The following USP44 variants were observed in gnomAD, a reference collection of about 807,000 sequenced individuals.
USP44 encodes the protein ubiquitin specific peptidase 44.
Under a neutral mutation model 69.0 loss-of-function variants are expected in USP44, and 61 were observed. The ratio of observed to expected loss-of-function variants is 0.88; its 90% CI spans 0.72 to 1.09. The LOEUF is 1.09. USP44 is among the 50% of genes least tolerant of loss of function. The probability of loss-of-function intolerance (pLI) is 0.00; values close to 1 mark genes in which losing one functional copy is unlikely to be tolerated. For missense variants in USP44, 753 were observed against 849.9 expected (o/e 0.89, Z 1.42); for synonymous variants, 297 against 295.4 (o/e 1.01, Z -0.06).
In USP44 at chr12:95,549,751, G is replaced by C. The variant is rs573892737; in HGVS notation, c.-71+1521C>G. Among the ~76,000 whole-genome samples, 101 of 152,244 alleles carry C rather than the reference G, an allele frequency of 6.6e-4. 2 individuals are homozygous for C. The Middle Eastern group carries it at 0.017, about 26-fold the overall frequency. On this transcript the variant is annotated intron_variant, in intron 1 of 5. Coordinates refer to ENST00000258499, the MANE Select transcript of USP44 (RefSeq NM_032147.5). ...TCTTTTCATCATCAGTTTTATTCTG[G>C]GGAGTATGTTTCAGTGGTATGACCT...
At chr12:95,547,060 A>G (rs2077595686) in intron 1 of USP44, 1 of 152,202 alleles carries the variant, frequency 6.6e-6, no homozygotes, top group Non-Finnish European at 1.5e-5. Context: ...TCTTCAACAG[A>G]TTTTCCATTT....
chr12:95,549,149 T>C (rs1457711264), intron 1 of USP44, among the ~76,000 whole-genome samples: 1 of 152,246 alleles, frequency 6.6e-6, no homozygotes, highest in Non-Finnish European at 1.5e-5. Flanking sequence ...CTTCCTGGAA[T>C]TTCTGCGATT....
At chr12:95,539,096 G>A (rs905448710) in intron 1 of USP44, among the ~76,000 whole-genome samples, 3 of 152,050 alleles carry the variant, frequency 2.0e-5, no homozygotes, top group Admixed American at 2.0e-4. Context: ...AATCTATAAG[G>A]ATTAAAACTA....
intron 1 of USP44, among the ~76,000 whole-genome samples, chr12:95,550,053 C>T (rs1023553173): frequency 3.9e-5 from 6 of 152,140 alleles, no homozygotes; most frequent in Admixed American, 2.6e-4. Context: ...GTGGCGGGCA[C>T]CTGTAATCCC....
intron 4 of USP44, among the ~76,000 whole-genome samples, chr12:95,523,955 C>T (rs1353584756): frequency 1.3e-5 from 2 of 152,076 alleles, no homozygotes; most frequent in Non-Finnish European, 2.9e-5. Context: ...TGGCTCACTG[C>T]AACCTCTGCC....
chr12:95,543,778 A>C (rs983255306), intron 1 of USP44, among the ~76,000 whole-genome samples: 10 of 151,670 alleles, frequency 6.6e-5, no homozygotes, highest in Admixed American at 1.3e-4. Flanking sequence ...CATCCTGGCT[A>C]ACACAGTGAA....
In USP44 at chr12:95,521,171, C is replaced by T; in HGVS notation, c.1765G>A (p.Gly589Ser). The change falls in exon 5 of 6, where the codon GGT becomes AGT. Residue 589 changes from glycine (G) to serine (S), a missense_variant. Transcript: ENST00000258499. ...ATTTCCTCAAAGCCAACATGAACAC[C>T]AATCTTCTCTCGGTTATTACGTCCT... ...WSGRNNREKI[G>S]VHVGFEEILN... The T allele has an allele frequency of 1.2e-6, 2 of 1,614,070 alleles. No homozygotes were observed. The highest frequency in any genetic ancestry group is 4.5e-5 in the East Asian group (2 of 44,864).
rs949130907 is a variant in USP44 at position 95,517,970 on chromosome 12, A to G, written c.*184T>C. ...CCAAAAGTTTAAAACTCCAAATATG[A>G]AAAAAGTAGTTACCTTCAGTTGATA... On this transcript the variant is annotated 3_prime_UTR_variant, in exon 6 of 6. Transcript: ENST00000258499. 1 of 536,830 alleles carries G rather than the reference A, an allele frequency of 1.9e-6. No homozygotes were observed. The highest frequency in any genetic ancestry group is 3.9e-5 in the South Asian group (1 of 25,884). The allele number at this position is 536,830 out of a possible 1,614,324, so 33.3% of individuals were successfully genotyped here. A position where few individuals can be genotyped will look rare whatever the true frequency, so the allele number is the denominator to read the frequency against.
chr12:95,524,645 G>C (rs1345049145), intron 4 of USP44, 35 bp downstream of exon 4: 2 of 1,491,758 alleles, frequency 1.3e-6, no homozygotes, highest in Admixed American at 4.3e-5. Flanking sequence ...ATAAGCACAA[G>C]GAATGATAAC....
intron 2 of USP44, among the ~76,000 whole-genome samples, chr12:95,532,578 A>T (rs2077055726): frequency 6.6e-6 from 1 of 152,134 alleles, no homozygotes; most frequent in African/African-American, 2.4e-5. Context: ...TTGGTAACCT[A>T]GAGAGCTCCG....
chr12:95,537,417 C>T (rs1303027248), intron 1 of USP44, among the ~76,000 whole-genome samples: 1 of 152,098 alleles, frequency 6.6e-6, no homozygotes, highest in Non-Finnish European at 1.5e-5. Context: ...CTCCTGGGTT[C>T]AAGCGATTCT....
rs112779725 is a variant in USP44 at position 95,518,788 on chromosome 12, A to T, written c.1940-435T>A. Among the ~76,000 whole-genome samples, 243 of 152,138 alleles carry T rather than the reference A, an allele frequency of 1.6e-3. 2 individuals carry two copies. Among genetic ancestry groups the T allele is most frequent in the African/African-American group, 5.5e-3 (230 of 41,496 alleles). ...AACCTGTCTCTACTAAAAATACAAAAATTCGCCAGGCGTGGTGGTGCACAC... is the reference window on the plus strand; with the variant it reads ...AACCTGTCTCTACTAAAAATACAAATATTCGCCAGGCGTGGTGGTGCACAC... On this transcript the variant is annotated intron_variant, in intron 5 of 5. Transcript: ENST00000258499.
chr12:95,520,928 A>T, intron 5 of USP44, 69 bp downstream of exon 5: 2 of 1,433,004 alleles, frequency 1.4e-6, no homozygotes, highest in Non-Finnish European at 1.9e-6. Context: ...GTCAATTTAG[A>T]AATCGGTTAA....
chr12:95,526,207 C>T (rs2076827349), intron 3 of USP44, among the ~76,000 whole-genome samples: 1 of 152,210 alleles, frequency 6.6e-6, no homozygotes, highest in Admixed American at 6.5e-5. Flanking sequence ...AAGCATTTGG[C>T]ACTCACCACA....
At chr12:95,528,669 T>A in intron 3 of USP44, 138 bp downstream of exon 3, 1 of 838,306 alleles carries the variant, frequency 1.2e-6, no homozygotes, top group Non-Finnish European at 1.8e-6. Flanking sequence ...AATTATAAAG[T>A]GAAAACGTCT....
chr12:95,546,101 A>C (rs1337161686), intron 1 of USP44, among the ~76,000 whole-genome samples: 2 of 152,198 alleles, frequency 1.3e-5, no homozygotes, highest in African/African-American at 4.8e-5. Context: ...CTACTTAACA[A>C]GTAATTTTGT....
Position 95,532,124 on chromosome 12 carries a change from C to T in USP44, c.1428+705G>A, listed in dbSNP as rs2140286230. On this transcript the variant is annotated intron_variant, in intron 2 of 5. Coordinates refer to ENST00000258499, the MANE Select transcript of USP44 (RefSeq NM_032147.5). ...AGTCCTCCAGGGCTACTCCTTGGTC[C>T]CTGAAATTGCTCAAGTGTGCACCAT... Among the ~76,000 whole-genome samples the T allele has an allele frequency of 2.6e-5, 4 of 151,874 alleles. 1 individual carries two copies. The Middle Eastern group carries it at 0.014, about 520-fold the overall frequency.
At chr12:95,536,103 T>C (rs1400342769) in intron 1 of USP44, among the ~76,000 whole-genome samples, 1 of 146,672 alleles carries the variant, frequency 6.8e-6, no homozygotes, top group African/African-American at 2.6e-5. Context: ...ACTGCAGTGG[T>C]GCAGTCTCAG....
chr12:95,518,120 T>A lies in USP44; in HGVS notation c.*34A>T, dbSNP rs779084614. On this transcript the variant is annotated 3_prime_UTR_variant, in exon 6 of 6. Coordinates refer to ENST00000258499, the MANE Select transcript of USP44 (RefSeq NM_032147.5). ...ATCAGTCTTTTAAAAAGTATATATA[T>A]AAATCACAGGAAGAAAACCCCATTG... 1.9e-6 allele frequency: 3 copies of A among 1,608,290 alleles called. No individual in the cohort carries two copies. The highest frequency in any genetic ancestry group is 1.3e-5 in the African/African-American group (1 of 74,720).
Sources: allele counts gnomAD v4.1 joint callset (sites outside exome capture counted in the v4.1 genomes callset), GRCh38; gene constraint gnomAD v4.1.1; transcripts MANE v1.5; gene names NCBI Gene and HGNC (gene_info 2026-07-23, HGNC 2026-07-21).